HECW1: variants seen among roughly 807,000 people sequenced by gnomAD.
HECW1 encodes the protein E3 ubiquitin-protein ligase HECW1.
Under a neutral mutation model 182.3 loss-of-function variants are expected in HECW1, and 61 were observed. The observed-to-expected ratio is 0.33, with a 90% CI of 0.27 to 0.41. The LOEUF (loss-of-function observed/expected upper bound fraction) is 0.41. Among genes scored for constraint, HECW1 ranks in the 10% least tolerant of loss-of-function variants. The probability of loss-of-function intolerance (pLI) is 1.00; values close to 1 mark genes in which losing one functional copy is unlikely to be tolerated. For missense variants in HECW1, 1,739 were observed against 2,108.9 expected, an observed-to-expected ratio of 0.82 and a Z score of 3.44; for synonymous variants, 859 against 832.6, an observed-to-expected ratio of 1.03 and a Z score of -0.55.
At chr7:43,317,026 T>C (rs1288975316) in intron 4 of HECW1, among the ~76,000 whole-genome samples, 1 of 151,802 alleles carries the variant, frequency 6.6e-6, no homozygotes, top group Non-Finnish European at 1.5e-5. Context: ...TTAGGCAGTT[T>C]ATTTAATCAT....
intron 3 of HECW1, among the ~76,000 whole-genome samples, chr7:43,309,471 G>C (rs1033308362): frequency 9.9e-5 from 15 of 152,176 alleles, no homozygotes; most frequent in African/African-American, 2.9e-4. Context: ...GACAGTTTCA[G>C]GAGAGTTCTC....
intron 5 of HECW1, among the ~76,000 whole-genome samples, chr7:43,325,030 C>T (rs1810593232): frequency 6.6e-6 from 1 of 152,068 alleles, no homozygotes; most frequent in Admixed American, 6.6e-5. Flanking sequence ...TTTGAAAGTA[C>T]CATCAAATTA....
intron 3 of HECW1, among the ~76,000 whole-genome samples, chr7:43,304,285 A>G (rs1584402543): frequency 1.3e-5 from 2 of 151,914 alleles, no homozygotes; most frequent in East Asian, 3.9e-4. Flanking sequence ...CTGGTCCTGC[A>G]TCCGGACACC....
chr7:43,448,491 T>A (rs1184139502), intron 11 of HECW1, among the ~76,000 whole-genome samples: 1 of 152,164 alleles, frequency 6.6e-6, no homozygotes, highest in African/African-American at 2.4e-5. Context: ...TGCCTCAGTT[T>A]CCTCATGTGC....
At chr7:43,308,179 A>T (rs1807951206) in intron 3 of HECW1, among the ~76,000 whole-genome samples, 1 of 103,902 alleles carries the variant, frequency 9.6e-6, no homozygotes, top group African/African-American at 4.0e-5. Flanking sequence ...ATATATTTTT[A>T]TATATTATAA....
chr7:43,192,847 C>T (rs1794057480), intron 2 of HECW1, among the ~76,000 whole-genome samples: 1 of 152,140 alleles, frequency 6.6e-6, no homozygotes, highest in Admixed American at 6.5e-5. Context: ...GGGCTCTTGG[C>T]TTTACACAGG....
intron 29 of HECW1, among the ~76,000 whole-genome samples, chr7:43,557,407 G>A (rs1167443989): frequency 6.6e-6 from 1 of 152,226 alleles, no homozygotes; most frequent in African/African-American, 2.4e-5. Flanking sequence ...TAAAACCTTT[G>A]TGTCAGTCCA....
intron 6 of HECW1, among the ~76,000 whole-genome samples, chr7:43,362,149 AAAAG>A (rs1341482163): frequency 1.3e-5 from 2 of 151,746 alleles, no homozygotes; most frequent in Non-Finnish European, 2.9e-5. Flanking sequence ...AAAAAAAAAA[AAAAG>A]AGAGAGAGAG....
At chr7:43,199,216 G>C (rs1177195138) in intron 2 of HECW1, among the ~76,000 whole-genome samples, 2 of 152,178 alleles carry the variant, frequency 1.3e-5, no homozygotes, top group African/African-American at 2.4e-5. Flanking sequence ...CCTGTCTTTA[G>C]CTCTCCGTTC....
chr7:43,188,191 GGA>G (rs1767252120), intron 2 of HECW1, among the ~76,000 whole-genome samples: 1 of 152,104 alleles, frequency 6.6e-6, no homozygotes, highest in South Asian at 2.1e-4. Context: ...ATTCCAAGTT[GGA>G]GATGCCTGTA....
intron 19 of HECW1, among the ~76,000 whole-genome samples, chr7:43,496,069 A>C (rs1448116962): frequency 6.6e-6 from 1 of 151,944 alleles, no homozygotes; most frequent in Non-Finnish European, 1.5e-5. Context: ...ATTATATATC[A>C]CATTACAACA....
intron 5 of HECW1, among the ~76,000 whole-genome samples, chr7:43,334,005 A>T (rs984120996): frequency 1.3e-4 from 20 of 152,226 alleles, no homozygotes; most frequent in Non-Finnish European, 2.9e-5. Context: ...AAAGCAGTGG[A>T]AAGGGAGAAT....
intron 2 of HECW1, among the ~76,000 whole-genome samples, chr7:43,204,890 A>G (rs961470955): frequency 1.3e-5 from 2 of 152,166 alleles, no homozygotes; most frequent in Non-Finnish European, 2.9e-5. Context: ...GAACTGGGAG[A>G]CAAGAGAGCT....
chr7:43,222,258 G>C, intron 2 of HECW1, among the ~76,000 whole-genome samples: 1 of 151,756 alleles, frequency 6.6e-6, no homozygotes, highest in East Asian at 1.9e-4. Context: ...GAGAACCTGG[G>C]TTTTTTTTGC....
Position 43,508,990 on chromosome 7 carries a change from G to A in HECW1, c.3888G>A (p.Ser1296=), listed in dbSNP as rs764833849. ...GCAGCCTGGACTACAGTGGCCCCTCGCGGGAGTTCTTCTTCCTTCTGTCTC... is the reference window on the plus strand; with the variant it reads ...GCAGCCTGGACTACAGTGGCCCCTCACGGGAGTTCTTCTTCCTTCTGTCTC... ...GEEGLDYSGP[S]REFFFLLSQE... The change falls in exon 24 of 30, where the codon TCG becomes TCA. Residue 1296 remains serine (S), a synonymous_variant. Transcript: ENST00000395891. 3.5e-5 allele frequency: 57 copies of A among 1,613,870 alleles called. No homozygotes were observed. The highest frequency in any genetic ancestry group is 6.6e-5 in the South Asian group (6 of 91,076).
chr7:43,564,746 A>C lies in HECW1; in HGVS notation c.*2820A>C, dbSNP rs936539573. 1.7e-4 allele frequency: 31 copies of C among 179,476 alleles called. No individual in the cohort carries two copies. The highest frequency in any genetic ancestry group is 2.0e-4 in the Non-Finnish European group (17 of 83,792). The allele number at this position is 179,476 out of a possible 1,614,324, so 11.1% of individuals were successfully genotyped here. ...ACCTTATTTATAAGGCTGATTTTTA[A>C]ATTATATATAATTTTTCATTCAATA... On this transcript the variant is annotated 3_prime_UTR_variant, in exon 30 of 30. Coordinates refer to ENST00000395891, the MANE Select transcript of HECW1 (RefSeq NM_015052.5).
intron 6 of HECW1, among the ~76,000 whole-genome samples, chr7:43,367,014 G>A (rs1180444115): frequency 6.6e-6 from 1 of 152,134 alleles, no homozygotes; most frequent in Non-Finnish European, 1.5e-5. Flanking sequence ...TGCACAAAGA[G>A]GGACTTGGGG....
chr7:43,425,337 G>A (rs1321928797), intron 8 of HECW1, among the ~76,000 whole-genome samples: 4 of 151,014 alleles, frequency 2.6e-5, no homozygotes, highest in Admixed American at 6.6e-5. Context: ...TAGATAGATA[G>A]ATAGATGCTT....
chr7:43,196,811 C>CTA (rs562907025), intron 2 of HECW1, among the ~76,000 whole-genome samples: 354 of 152,240 alleles, frequency 2.3e-3, no homozygotes, highest in African/African-American at 8.1e-3. Context: ...GGTTTTAAAA[C>CTA]ATATGAAGAA....
Sources: gnomAD v4.1 joint callset for allele counts (sites outside exome capture counted in the v4.1 genomes callset) on GRCh38, gnomAD v4.1.1 for gene constraint, MANE v1.5 for transcripts, NCBI Gene and HGNC (gene_info 2026-07-23, HGNC 2026-07-21) for gene names.